PTPRD: variants seen among roughly 807,000 people sequenced by gnomAD.
PTPRD encodes protein tyrosine phosphatase receptor type D, also known as receptor-type tyrosine-protein phosphatase delta.
PTPRD carries 34 observed loss-of-function variants against 214.5 expected under a neutral mutation model. The observed-to-expected ratio is 0.16, with a 90% CI of 0.12 to 0.21. The LOEUF (loss-of-function observed/expected upper bound fraction) is 0.21, where lower values mean the gene tolerates loss of function less well. Ranked by LOEUF, PTPRD falls within the 10% of genes least tolerant of loss-of-function variation. The probability of loss-of-function intolerance (pLI) is 1.00; values close to 1 mark genes in which losing one functional copy is unlikely to be tolerated. For missense variants in PTPRD, 2,545 were observed against 2,398.7 expected (o/e 1.06, Z -1.27); for synonymous variants, 1,128 against 845.7 (o/e 1.33, Z -5.79).
intron 2 of PTPRD, among the ~76,000 whole-genome samples, chr9:10,565,677 T>C (rs1430077136): frequency 6.6e-6 from 1 of 152,124 alleles, no homozygotes; most frequent in Non-Finnish European, 1.5e-5. Flanking sequence ...CCCTAACTTA[T>C]ACCCAGTATA....
chr9:9,626,236 T>C (rs12380006), intron 7 of PTPRD, among the ~76,000 whole-genome samples: 1 of 152,130 alleles, frequency 6.6e-6, no homozygotes, highest in African/African-American at 2.4e-5. Flanking sequence ...TAACTCAGAA[T>C]ATATCTGCCG....
intron 11 of PTPRD, among the ~76,000 whole-genome samples, chr9:9,009,749 T>G (rs2099500253): frequency 6.6e-6 from 1 of 152,070 alleles, no homozygotes; most frequent in South Asian, 2.1e-4. Context: ...ATATTCTAGC[T>G]CACATCTAGG....
At chr9:8,919,851 A>ATGCATACATAGATGTACATGCATGTATCG (rs2098813604) in intron 11 of PTPRD, among the ~76,000 whole-genome samples, 2 of 151,092 alleles carry the variant, frequency 1.3e-5, no homozygotes, top group Non-Finnish European at 2.9e-5. Flanking sequence ...TGCATGTATC[A>ATGCATACATAGATGTACATGCATGTATCG]TGCATACATA....
chr9:8,579,455 TGTTCATTCATTCCAC>T (rs1394905117), intron 14 of PTPRD, among the ~76,000 whole-genome samples: 1 of 152,120 alleles, frequency 6.6e-6, no homozygotes, highest in Non-Finnish European at 1.5e-5. Flanking sequence ...AACTGGTGAC[TGTTCATTCATTCCAC>T]GTTCATTTGT....
chr9:8,893,823 T>C (rs970244229), intron 11 of PTPRD, among the ~76,000 whole-genome samples: 1 of 152,068 alleles, frequency 6.6e-6, no homozygotes, highest in Non-Finnish European at 1.5e-5. Flanking sequence ...TATGACACAA[T>C]GTTGAGGGAA....
chr9:10,266,878 G>C (rs151194719), intron 3 of PTPRD, among the ~76,000 whole-genome samples: 100 of 152,100 alleles, frequency 6.6e-4, no homozygotes, highest in Middle Eastern at 3.4e-3. Context: ...AGAAACCAGG[G>C]AATAATTTCT....
intron 9 of PTPRD, among the ~76,000 whole-genome samples, chr9:9,384,201 AGT>A (rs2063149610): frequency 1.4e-4 from 21 of 151,920 alleles, no homozygotes; most frequent in Admixed American, 1.2e-3. Context: ...TCAGTGAACT[AGT>A]AGGTATAGAA....
rs968974525 is a variant in PTPRD, at chr9:10,216,300, A to C, written c.-545+124663T>G. ...GTCTTAGAGAAGGAGTGCAGGTAGA[A>C]GGACGGAAGGGGTTAGAGAGCTTCA... On this transcript the variant is annotated intron_variant, in intron 3 of 45. Coordinates refer to ENST00000381196, the MANE Select transcript of PTPRD (RefSeq NM_002839.4). Among the ~76,000 whole-genome samples, 27 of 152,066 alleles carry C rather than the reference A, an allele frequency of 1.8e-4. No individual in the cohort carries two copies. In the East Asian group the frequency reaches 3.7e-3, roughly 21 times the overall value.
chr9:9,916,247 G>A (rs2080768085), intron 5 of PTPRD, among the ~76,000 whole-genome samples: 1 of 151,894 alleles, frequency 6.6e-6, no homozygotes, highest in Non-Finnish European at 1.5e-5. Flanking sequence ...AGCTCTAGAA[G>A]TAAAAAGGTG....
At position 10,577,098 on chromosome 9, in the gene PTPRD, A is replaced by AT. The variant is rs35243668; in HGVS notation, c.-600+35299dup. Among the ~76,000 whole-genome samples the AT allele has an allele frequency of 6.4e-4, 96 of 151,168 alleles. No individual in the cohort carries two copies. In the South Asian group the frequency reaches 0.013, roughly 21 times the overall value. The stretch of plus-strand genomic sequence containing the variant: ...TCCTTTTCCTATTTTTAAAGCTGTA[A>AT]TTTTTTTTTTAAACCACTATGCATA... On this transcript the variant is annotated intron_variant, in intron 2 of 45. Coordinates refer to ENST00000381196, the MANE Select transcript of PTPRD (RefSeq NM_002839.4).
intron 12 of PTPRD, among the ~76,000 whole-genome samples, chr9:8,691,764 G>A (rs545091021): frequency 6.6e-6 from 1 of 152,114 alleles, no homozygotes; most frequent in Non-Finnish European, 1.5e-5. Context: ...TCAATGTGAT[G>A]TGATCAAATC....
chr9:8,557,745 TAAA>T (rs752836520), intron 14 of PTPRD, among the ~76,000 whole-genome samples: 1 of 46,774 alleles, frequency 2.1e-5, no homozygotes, highest in Non-Finnish European at 3.7e-5. Flanking sequence ...TGTCTCTCAA[TAAA>T]AAAAAAAAAA....
intron 4 of PTPRD, among the ~76,000 whole-genome samples, chr9:9,961,806 C>T (rs2094385719): frequency 6.6e-6 from 1 of 152,070 alleles, no homozygotes; most frequent in African/African-American, 2.4e-5. Flanking sequence ...ATCTAGAAGT[C>T]ACAGTCCATT....
At chr9:8,779,686 G>T (rs1264839348) in intron 11 of PTPRD, among the ~76,000 whole-genome samples, 4 of 152,014 alleles carry the variant, frequency 2.6e-5, no homozygotes, top group Non-Finnish European at 5.9e-5. Flanking sequence ...AATCAGCACG[G>T]TAAACAAGCT....
At chr9:8,349,798 G>C (rs958010818) in intron 39 of PTPRD, among the ~76,000 whole-genome samples, 2 of 152,150 alleles carry the variant, frequency 1.3e-5, no homozygotes, top group East Asian at 1.9e-4. Flanking sequence ...CATTATGTTG[G>C]TCTCTGTTAT....
chr9:8,557,756 A>T (rs1051081871), intron 14 of PTPRD, among the ~76,000 whole-genome samples: 1 of 133,906 alleles, frequency 7.5e-6, no homozygotes, highest in Non-Finnish European at 1.5e-5. Context: ...AAAAAAAAAA[A>T]AAAAAAAAAA....
chr9:10,240,225 G>A (rs962076367), intron 3 of PTPRD, among the ~76,000 whole-genome samples: 1 of 151,898 alleles, frequency 6.6e-6, no homozygotes, highest in East Asian at 1.9e-4. Flanking sequence ...AAAACAGATC[G>A]TTTTCTCTGT....
intron 5 of PTPRD, among the ~76,000 whole-genome samples, chr9:9,921,970 T>G (rs187894648): frequency 6.6e-6 from 1 of 152,086 alleles, no homozygotes; most frequent in Non-Finnish European, 1.5e-5. Flanking sequence ...GCAGTGTCGT[T>G]GTAAAGTCAT....
intron 11 of PTPRD, among the ~76,000 whole-genome samples, chr9:8,846,186 T>G (rs976527170): frequency 6.6e-6 from 1 of 152,102 alleles, no homozygotes; most frequent in African/African-American, 2.4e-5. Context: ...AATATAAAAT[T>G]AAAATTAATT....
Sources: gnomAD v4.1 joint callset for allele counts (sites outside exome capture counted in the v4.1 genomes callset) on GRCh38, gnomAD v4.1.1 for gene constraint, MANE v1.5 for transcripts, NCBI Gene and HGNC (gene_info 2026-07-23, HGNC 2026-07-21) for gene names.